The following AGMO variants were observed in gnomAD, a reference collection of about 807,000 sequenced individuals.
AGMO encodes the protein alkylglycerol monooxygenase, also known as glyceryl-ether monooxygenase.
AGMO carries 75 observed loss-of-function variants against 60.2 expected under a neutral mutation model. The observed-to-expected ratio is 1.25, with a 90% CI of 1.03 to 1.51. AGMO has a LOEUF of 1.51. Among genes scored for constraint, AGMO ranks in the 40% most tolerant of loss-of-function variants. The pLI is 0.00. For missense variants in AGMO, 763 were observed against 525.5 expected (o/e 1.45, Z -4.42); for synonymous variants, 261 against 177.1 (o/e 1.47, Z -3.76).
intron 12 of AGMO, among the ~76,000 whole-genome samples, chr7:15,322,652 A>G (rs1245899666): frequency 1.3e-4 from 8 of 62,876 alleles, no homozygotes; most frequent in African/African-American, 6.1e-4. Context: ...ATATATAAAT[A>G]TATATATAAA....
intron 6 of AGMO, among the ~76,000 whole-genome samples, chr7:15,391,495 T>C (rs1323797106): frequency 6.6e-6 from 1 of 152,226 alleles, no homozygotes; most frequent in East Asian, 1.9e-4. Context: ...ATTTATTTAA[T>C]ACATTTTTTA....
chr7:15,191,056 A>G, the AGMO span, among the ~76,000 whole-genome samples: 1 of 152,174 alleles, frequency 6.6e-6, no homozygotes, highest in Non-Finnish European at 1.5e-5. Flanking sequence ...ATTACTTACT[A>G]TATGTGTGCT....
intron 3 of AGMO, among the ~76,000 whole-genome samples, chr7:15,533,382 T>C (rs1200954672): frequency 2.0e-5 from 3 of 152,158 alleles, no homozygotes; most frequent in African/African-American, 7.2e-5. Flanking sequence ...AATGTACCTA[T>C]ATAGTTATCT....
chr7:15,395,329 G>C (rs780972823), intron 5 of AGMO, among the ~76,000 whole-genome samples: 1 of 151,506 alleles, frequency 6.6e-6, no homozygotes, highest in Non-Finnish European at 1.5e-5. Context: ...AAGAAATAGA[G>C]ATAAGACTGC....
At chr7:15,538,792 A>G (rs1412977557) in intron 3 of AGMO, among the ~76,000 whole-genome samples, 1 of 152,218 alleles carries the variant, frequency 6.6e-6, no homozygotes, top group Non-Finnish European at 1.5e-5. Context: ...TCAGAAAGCA[A>G]TGAATAACTT....
intron 2 of AGMO, among the ~76,000 whole-genome samples, chr7:15,553,459 A>G (rs995518925): frequency 4.6e-5 from 7 of 152,152 alleles, no homozygotes; most frequent in African/African-American, 1.4e-4. Context: ...AGATTCAACC[A>G]TGGATTCAGG....
chr7:15,364,959 G>A (rs1399529317), intron 12 of AGMO, among the ~76,000 whole-genome samples: 2 of 152,044 alleles, frequency 1.3e-5, no homozygotes, highest in East Asian at 3.9e-4. Context: ...CAGCTGCCTA[G>A]ATTCTAAACA....
chr7:15,226,738 T>A (rs188217449), intron 12 of AGMO, among the ~76,000 whole-genome samples: 14 of 152,186 alleles, frequency 9.2e-5, no homozygotes, highest in Admixed American at 9.2e-4. Flanking sequence ...ATTCAATTAT[T>A]GTCAAACCTT....
intron 10 of AGMO, among the ~76,000 whole-genome samples, chr7:15,374,371 T>G (rs1460239678): frequency 6.6e-6 from 1 of 152,052 alleles, no homozygotes; most frequent in Non-Finnish European, 1.5e-5. Context: ...ATATATTGGC[T>G]AAAAAAGTAT....
intron 2 of AGMO, among the ~76,000 whole-genome samples, chr7:15,549,241 G>A (rs1297535648): frequency 1.4e-5 from 2 of 143,088 alleles, no homozygotes; most frequent in Non-Finnish European, 3.0e-5. Flanking sequence ...ATCGAGACTA[G>A]GAAGAAACTG....
At chr7:15,396,294 T>C (rs2128487833) in intron 5 of AGMO, 1 of 152,344 alleles carries the variant, frequency 6.6e-6, no homozygotes, top group South Asian at 2.1e-4. Context: ...TCTTCACACA[T>C]GTCTGCAGTT....
rs1784420576 is a variant in AGMO at position 15,296,854 on chromosome 7, C to A, written c.1263+68660G>T. ...GCTGAGCGGAAATTTGTCCTTGAGT[C>A]TTAAAGAAGCCAAAGCTAGTGTTTT... On this transcript the variant is annotated intron_variant, in intron 12 of 12. Transcript: ENST00000342526. Among the ~76,000 whole-genome samples the A allele has an allele frequency of 2.6e-5, 4 of 152,112 alleles. No homozygotes were observed. In the South Asian group the frequency reaches 8.3e-4, roughly 31 times the overall value.
chr7:15,151,126 C>G, the AGMO span, among the ~76,000 whole-genome samples: 1 of 152,038 alleles, frequency 6.6e-6, no homozygotes, highest in Non-Finnish European at 1.5e-5. Flanking sequence ...ACAATAGTCT[C>G]TAAGTTTTGT....
At chr7:15,320,974 C>G (rs999862317) in intron 12 of AGMO, among the ~76,000 whole-genome samples, 1 of 152,160 alleles carries the variant, frequency 6.6e-6, no homozygotes, top group Non-Finnish European at 1.5e-5. Context: ...TAAGGAAACT[C>G]TCCCTCACTC....
chr7:15,546,717 T>A (rs369001870), intron 2 of AGMO, among the ~76,000 whole-genome samples: 1 of 152,196 alleles, frequency 6.6e-6, no homozygotes, highest in South Asian at 2.1e-4. Flanking sequence ...AAGGAATCTA[T>A]GAAATGAACA....
intron 12 of AGMO, among the ~76,000 whole-genome samples, chr7:15,309,332 A>G (rs1342782151): frequency 6.6e-6 from 1 of 152,158 alleles, no homozygotes; most frequent in Non-Finnish European, 1.5e-5. Context: ...ACCAATAAAA[A>G]AGATGATCAG....
chr7:15,197,981 G>T (rs1311802545), downstream of AGMO, among the ~76,000 whole-genome samples: 1 of 152,098 alleles, frequency 6.6e-6, no homozygotes, highest in African/African-American at 2.4e-5. Flanking sequence ...AAAATTATCT[G>T]CTATAAAGTA....
intron 12 of AGMO, among the ~76,000 whole-genome samples, chr7:15,319,020 T>C (rs1304151115): frequency 6.6e-6 from 1 of 151,982 alleles, no homozygotes; most frequent in Admixed American, 6.6e-5. Context: ...ATTCTAAAGT[T>C]GATTATTGCC....
At chr7:15,156,470 C>T in the AGMO span, among the ~76,000 whole-genome samples, 1 of 152,204 alleles carries the variant, frequency 6.6e-6, no homozygotes, top group African/African-American at 2.4e-5. Flanking sequence ...GCACCCATGG[C>T]TGTGCTCAAA....
Sources: allele counts gnomAD v4.1 joint callset (sites outside exome capture counted in the v4.1 genomes callset), GRCh38; gene constraint gnomAD v4.1.1; transcripts MANE v1.5; gene names NCBI Gene and HGNC (gene_info 2026-07-23, HGNC 2026-07-21).